TRPC6: variants seen among roughly 807,000 people sequenced by gnomAD.
TRPC6 encodes the protein short transient receptor potential channel 6.
In TRPC6, 55 loss-of-function variants were observed where a neutral mutation model predicts 90.7. That is an observed-to-expected ratio of 0.61 (90% CI 0.49 to 0.76). TRPC6 has a LOEUF of 0.76. Among genes scored for constraint, TRPC6 ranks in the 30% least tolerant of loss-of-function variants. The pLI is 0.00. For synonymous variants in TRPC6, 393 were observed against 393.0 expected (o/e 1.00, Z 0.00); for missense variants, 989 against 1,122.7 (o/e 0.88, Z 1.70).
At chr11:101,455,829 A>C (rs1858869654) in intron 10 of TRPC6, among the ~76,000 whole-genome samples, 1 of 152,120 alleles carries the variant, frequency 6.6e-6, no homozygotes, top group African/African-American at 2.4e-5. Flanking sequence ...TAAAACAGCT[A>C]CTCAGACATT....
intron 1 of TRPC6, among the ~76,000 whole-genome samples, chr11:101,567,178 G>T (rs1861854471): frequency 6.6e-6 from 1 of 152,078 alleles, no homozygotes; most frequent in African/African-American, 2.4e-5. Context: ...CTAGCTAGGT[G>T]GGGGGAGGGG....
rs576404377 is a variant in TRPC6 at position 101,546,332 on chromosome 11, A to G, written c.170+37002T>C. Reference sequence around the variant, plus strand: ...CATGATCCACCCGCCTCGGCCTCCCAAAGTGCTGGGATTACAGGCGTGAGC... The same window carrying G: ...CATGATCCACCCGCCTCGGCCTCCCGAAGTGCTGGGATTACAGGCGTGAGC... On this transcript the variant is annotated intron_variant, in intron 1 of 12. Coordinates refer to ENST00000344327, the MANE Select transcript of TRPC6 (RefSeq NM_004621.6). Among the ~76,000 whole-genome samples, 22 of 65,852 alleles carry G rather than the reference A, an allele frequency of 3.3e-4. 4 individuals carry two copies. The highest frequency in any genetic ancestry group is 6.4e-4 in the Non-Finnish European group (20 of 31,302). The allele number at this position is 65,852 out of a possible 152,430, so 43.2% of individuals were successfully genotyped here.
chr11:101,509,397 CTTTG>C (rs1170051889), intron 1 of TRPC6, among the ~76,000 whole-genome samples: 2 of 152,094 alleles, frequency 1.3e-5, no homozygotes, highest in East Asian at 1.9e-4. Flanking sequence ...CACACCTGCC[CTTTG>C]TTTGTCTTTT....
rs1019288056 is a variant in TRPC6 at position 101,556,613 on chromosome 11, T to C, written c.170+26721A>G. ...AAAGCCTGATGGCTTCACAGCTGAA[T>C]TCTACCAGACATTTAAAGAAGAAAT... On this transcript the variant is annotated intron_variant, in intron 1 of 12. Transcript: ENST00000344327. Among the ~76,000 whole-genome samples the C allele has an allele frequency of 4.6e-5, 7 of 152,184 alleles. No individual in the cohort carries two copies. In the South Asian group the frequency reaches 1.2e-3, roughly 27 times the overall value.
chr11:101,515,027 G>A (rs527670862), intron 1 of TRPC6, among the ~76,000 whole-genome samples: 1 of 152,174 alleles, frequency 6.6e-6, no homozygotes, highest in African/African-American at 2.4e-5. Context: ...AATGGAAAGG[G>A]AACAGCATCA....
intron 1 of TRPC6, among the ~76,000 whole-genome samples, chr11:101,554,266 T>C (rs535122963): frequency 6.6e-6 from 1 of 152,314 alleles, no homozygotes; most frequent in East Asian, 1.9e-4. Context: ...TTTTCACTTC[T>C]GCTTTTTATT....
intron 10 of TRPC6, among the ~76,000 whole-genome samples, chr11:101,468,040 T>C (rs934052851): frequency 6.6e-6 from 1 of 152,208 alleles, no homozygotes; most frequent in African/African-American, 2.4e-5. Flanking sequence ...TGTGCCAATT[T>C]GCAATGACCC....
intron 1 of TRPC6, among the ~76,000 whole-genome samples, chr11:101,577,888 G>A (rs754676868): frequency 3.3e-5 from 5 of 152,180 alleles, no homozygotes; most frequent in African/African-American, 4.8e-5. Context: ...ATTGGTGAAA[G>A]ATTCCCTGAA....
intron 1 of TRPC6, among the ~76,000 whole-genome samples, chr11:101,556,494 G>C (rs567422536): frequency 6.6e-6 from 1 of 152,200 alleles, no homozygotes; most frequent in Admixed American, 6.5e-5. Context: ...AACCCGCCAA[G>C]ACTGAATCAT....
chr11:101,542,143 T>C (rs1177544556), intron 1 of TRPC6, among the ~76,000 whole-genome samples: 1 of 152,256 alleles, frequency 6.6e-6, no homozygotes, highest in Non-Finnish European at 1.5e-5. Flanking sequence ...GTATTTATTG[T>C]GTCTTGATCT....
At chr11:101,513,121 C>T (rs1404569128) in intron 1 of TRPC6, among the ~76,000 whole-genome samples, 2 of 152,116 alleles carry the variant, frequency 1.3e-5, no homozygotes, top group African/African-American at 4.8e-5. Context: ...TGACAGTGGC[C>T]CTGACCTTTT....
At position 101,561,252 on chromosome 11, in the gene TRPC6, T is replaced by C. The variant is rs552168269; in HGVS notation, c.170+22082A>G. Among the ~76,000 whole-genome samples the C allele has an allele frequency of 7.9e-5, 12 of 152,260 alleles. No individual in the cohort carries two copies. In the East Asian group the frequency reaches 2.3e-3, roughly 29 times the overall value. On this transcript the variant is annotated intron_variant, in intron 1 of 12. Coordinates refer to ENST00000344327, the MANE Select transcript of TRPC6 (RefSeq NM_004621.6). ...ACTTGAGTAACTCATCTTTTTAAAA[T>C]ATAAAGCTGTTAGGCAAATTGACAG...
Position 101,583,661 on chromosome 11 carries a change from G to T in TRPC6, c.-158C>A, listed in dbSNP as rs1468795189. On this transcript the variant is annotated 5_prime_UTR_variant, in exon 1 of 13. Transcript: ENST00000344327. ...GGTGAAGCAGGGGGTGCAGACGCCC[G>T]CCGCAAGTGGCTCGCCCACTGGCCC... The T allele has an allele frequency of 2.8e-6, 2 of 703,464 alleles. No individual in the cohort carries two copies. Among genetic ancestry groups the T allele is most frequent in the Non-Finnish European group, 4.2e-6 (2 of 473,018 alleles). 43.6% of individuals were successfully genotyped at this position (703,464 alleles called of 1,614,324 possible). A position where few individuals can be genotyped will look rare whatever the true frequency, so the allele number is the denominator to read the frequency against.
intron 10 of TRPC6, among the ~76,000 whole-genome samples, chr11:101,455,944 G>T (rs1377240556): frequency 1.3e-5 from 2 of 152,026 alleles, no homozygotes; most frequent in Non-Finnish European, 2.9e-5. Flanking sequence ...CTGAGTTATG[G>T]TAACAGCTCA....
At chr11:101,491,035 A>G (rs1859792689) in intron 3 of TRPC6, among the ~76,000 whole-genome samples, 1 of 152,238 alleles carries the variant, frequency 6.6e-6, no homozygotes, top group Non-Finnish European at 1.5e-5. Context: ...CAATCCCTGT[A>G]AGATTCTATA....
intron 1 of TRPC6, among the ~76,000 whole-genome samples, chr11:101,565,320 T>C (rs1165305861): frequency 6.6e-6 from 1 of 152,038 alleles, no homozygotes; most frequent in Non-Finnish European, 1.5e-5. Flanking sequence ...TAAGTGATAA[T>C]GAGTTTAGTT....
At chr11:101,491,836 CTT>C (rs71056611) in intron 2 of TRPC6, 98 bp from the exon 3 acceptor site, 41,222 of 435,716 alleles carry the variant, frequency 0.095, 5 homozygotes, top group East Asian at 0.13. Context: ...GAGAAACATT[CTT>C]TTTTTTTTTT....
intron 1 of TRPC6, among the ~76,000 whole-genome samples, chr11:101,577,630 G>C (rs1481079870): frequency 6.6e-6 from 1 of 152,174 alleles, no homozygotes; most frequent in Non-Finnish European, 1.5e-5. Context: ...GATTGAGGAC[G>C]GTCTGCAGAG....
At chr11:101,512,771 T>C (rs1054500558) in intron 1 of TRPC6, among the ~76,000 whole-genome samples, 3 of 152,162 alleles carry the variant, frequency 2.0e-5, no homozygotes, top group Non-Finnish European at 2.9e-5. Flanking sequence ...AAAAAGTTTC[T>C]TTGTAATACC....
Sources: gnomAD v4.1 joint callset for allele counts (sites outside exome capture counted in the v4.1 genomes callset) on GRCh38, gnomAD v4.1.1 for gene constraint, MANE v1.5 for transcripts, NCBI Gene and HGNC (gene_info 2026-07-23, HGNC 2026-07-21) for gene names.